PTPRD: variants seen among roughly 807,000 people sequenced by gnomAD.
PTPRD encodes receptor-type tyrosine-protein phosphatase delta.
Under a neutral mutation model 214.5 loss-of-function variants are expected in PTPRD, and 34 were observed. The observed-to-expected ratio is 0.16, with a 90% CI of 0.12 to 0.21. The LOEUF (loss-of-function observed/expected upper bound fraction) is 0.21, where lower values mean the gene tolerates loss of function less well. PTPRD is among the 10% of genes least tolerant of loss of function. The pLI is 1.00. For synonymous variants in PTPRD, 1,128 were observed against 845.7 expected, an observed-to-expected ratio of 1.33 and a Z score of -5.79; for missense variants, 2,545 against 2,398.7, an observed-to-expected ratio of 1.06 and a Z score of -1.27.
At chr9:9,027,236 C>T (rs1002890274) in intron 10 of PTPRD, among the ~76,000 whole-genome samples, 1 of 151,726 alleles carries the variant, frequency 6.6e-6, no homozygotes, top group African/African-American at 2.4e-5. Flanking sequence ...TTTGTTCCCC[C>T]ACAAGGCTCT....
intron 11 of PTPRD, among the ~76,000 whole-genome samples, chr9:8,741,940 A>C (rs1303404762): frequency 6.6e-6 from 1 of 152,090 alleles, no homozygotes; most frequent in Non-Finnish European, 1.5e-5. Context: ...CTGTTCAACC[A>C]ATCAAAAGAA....
intron 5 of PTPRD, among the ~76,000 whole-genome samples, chr9:9,928,255 G>T (rs1011843234): frequency 6.6e-6 from 1 of 152,096 alleles, no homozygotes; most frequent in African/African-American, 2.4e-5. Flanking sequence ...TTAATTTCCA[G>T]ATCAATGAAT....
In PTPRD at chr9:9,297,539, T is replaced by C. The variant is rs553182399; in HGVS notation, c.-203+99910A>G. On this transcript the variant is annotated intron_variant, in intron 9 of 45. Transcript: ENST00000381196. ...ATTGACTATCTTCCAAAAAGACATA[T>C]AGATTGGGAACAGGATTATTTCAGG... 5.3e-5 allele frequency among the ~76,000 whole-genome samples: 8 copies of C among 151,732 alleles called. No homozygotes were observed. In the East Asian group the frequency reaches 5.8e-4, roughly 11 times the overall value.
chr9:8,672,500 GT>G (rs1692807245), intron 12 of PTPRD, among the ~76,000 whole-genome samples: 1 of 152,078 alleles, frequency 6.6e-6, no homozygotes. Flanking sequence ...GATATTAATA[GT>G]GACATGCTAG....
At chr9:8,465,382 T>C in intron 32 of PTPRD, 84 bp downstream of exon 32, 3 of 1,246,890 alleles carry the variant, frequency 2.4e-6, no homozygotes, top group Non-Finnish European at 3.4e-6. Context: ...AGGATGGATA[T>C]ACCCACAAAT....
intron 2 of PTPRD, among the ~76,000 whole-genome samples, chr9:10,602,214 C>T (rs897898777): frequency 2.6e-5 from 4 of 151,682 alleles, no homozygotes; most frequent in Non-Finnish European, 4.4e-5. Flanking sequence ...TAAGAAGTGT[C>T]GATCCAATTC....
intron 10 of PTPRD, among the ~76,000 whole-genome samples, chr9:9,164,245 T>C (rs531852289): frequency 1.3e-5 from 2 of 152,316 alleles, no homozygotes; most frequent in South Asian, 2.1e-4. Context: ...TTTTAGAGGC[T>C]ACCTGTATTC....
rs542091481 is a variant in PTPRD at position 9,196,010 on chromosome 9, G to A, written c.-202-12647C>T. Among the ~76,000 whole-genome samples, 12 of 152,284 alleles carry A rather than the reference G, an allele frequency of 7.9e-5. No individual in the cohort carries two copies. The South Asian group carries it at 2.5e-3, about 32-fold the overall frequency. On this transcript the variant is annotated intron_variant, in intron 9 of 45. Coordinates refer to ENST00000381196, the MANE Select transcript of PTPRD (RefSeq NM_002839.4). The stretch of plus-strand genomic sequence containing the variant: ...GAATTAAAAGATAAAAGGCTGTACA[G>A]TTTGGAGGATAGTCCTCTGGACATA...
chr9:8,658,975 G>A (rs569024888), intron 12 of PTPRD, among the ~76,000 whole-genome samples: 31 of 151,888 alleles, frequency 2.0e-4, no homozygotes, highest in Non-Finnish European at 4.3e-4. Flanking sequence ...TCCTCTAATC[G>A]TTCATGATTA....
intron 5 of PTPRD, among the ~76,000 whole-genome samples, chr9:9,815,154 C>T (rs748614362): frequency 1.3e-5 from 2 of 152,094 alleles, no homozygotes; most frequent in Non-Finnish European, 2.9e-5. Context: ...GGCATAAAAA[C>T]AGACACATAG....
intron 12 of PTPRD, among the ~76,000 whole-genome samples, chr9:8,730,199 T>A (rs765385536): frequency 2.6e-5 from 4 of 151,996 alleles, no homozygotes; most frequent in Non-Finnish European, 5.9e-5. Flanking sequence ...GAGCTTGCAC[T>A]GAGCCGAGAT....
rs945113149 is a variant in PTPRD, at chr9:9,092,616, TTATGACTTGAAAA to T, written c.-142-73894_-142-73882del. 2.6e-3 allele frequency among the ~76,000 whole-genome samples: 389 copies of T among 152,124 alleles called. 2 individuals carry two copies. Among genetic ancestry groups the T allele is most frequent in the African/African-American group, 8.9e-3 (370 of 41,562 alleles). On this transcript the variant is annotated intron_variant, in intron 10 of 45. Coordinates refer to ENST00000381196, the MANE Select transcript of PTPRD (RefSeq NM_002839.4). ...TATTCACTTATAACACATGAAAAAG[TTATGACTTGAAAA>T]TATGACTTGAAAATTTGTCTATTTA... is the stretch of plus-strand genomic sequence containing the variant.
intron 2 of PTPRD, among the ~76,000 whole-genome samples, chr9:10,575,487 T>C (rs925085693): frequency 6.6e-6 from 1 of 152,136 alleles, no homozygotes; most frequent in Non-Finnish European, 1.5e-5. Flanking sequence ...TCTTTGTTTA[T>C]GATCTAGAAA....
At chr9:10,512,041 TATACACACAC>T (rs1429746062) in intron 2 of PTPRD, among the ~76,000 whole-genome samples, 2 of 143,202 alleles carry the variant, frequency 1.4e-5, no homozygotes, top group African/African-American at 5.2e-5. Context: ...TATATATATA[TATACACACAC>T]GTATATATAT....
chr9:8,537,092 T>C (rs2077143999), intron 14 of PTPRD, among the ~76,000 whole-genome samples: 1 of 151,988 alleles, frequency 6.6e-6, no homozygotes, highest in Admixed American at 6.6e-5. Flanking sequence ...CAGCAGGGTA[T>C]AATTTGTACT....
chr9:9,040,038 A>T (rs529372792), intron 10 of PTPRD, among the ~76,000 whole-genome samples: 2 of 152,146 alleles, frequency 1.3e-5, no homozygotes, highest in South Asian at 4.2e-4. Flanking sequence ...AGGAAGCTAC[A>T]ATTCAGAGAA....
At chr9:9,812,165 A>G (rs1333083637) in intron 5 of PTPRD, among the ~76,000 whole-genome samples, 5 of 152,156 alleles carry the variant, frequency 3.3e-5, no homozygotes, top group Non-Finnish European at 5.9e-5. Flanking sequence ...GCTATTTCAC[A>G]CTTCATAGAC....
chr9:10,550,838 C>T (rs77930551), intron 2 of PTPRD, among the ~76,000 whole-genome samples: 2,419 of 152,326 alleles, frequency 0.016, 29 homozygotes, highest in Non-Finnish European at 0.024. Flanking sequence ...TAAGCTTTTT[C>T]TCCACCTCTA....
intron 8 of PTPRD, among the ~76,000 whole-genome samples, chr9:9,487,730 A>G (rs986094419): frequency 6.6e-6 from 1 of 152,156 alleles, no homozygotes; most frequent in Non-Finnish European, 1.5e-5. Context: ...ATGTTCCTCA[A>G]CTGCTCTTGA....
Sources: allele counts gnomAD v4.1 joint callset (sites outside exome capture counted in the v4.1 genomes callset), GRCh38; gene constraint gnomAD v4.1.1; transcripts MANE v1.5; gene names NCBI Gene and HGNC (gene_info 2026-07-23, HGNC 2026-07-21).